Variants in ZNF486 observed in about 807,000 individuals in gnomAD.
ZNF486 encodes KRAB box only protein 2.
Under a neutral mutation model 12.8 loss-of-function variants are expected in ZNF486, and 12 were observed. The ratio of observed to expected loss-of-function variants is 0.94; its 90% confidence interval spans 0.60 to 1.52. ZNF486 has a LOEUF of 1.52. ZNF486 is among the 40% of genes most tolerant of loss of function. The pLI is 0.00. For synonymous variants in ZNF486, 231 were observed against 184.9 expected (o/e 1.25, Z -2.02); for missense variants, 738 against 545.0 (o/e 1.35, Z -3.53).
In ZNF486 at chr19:20,198,331, A is replaced by G. The variant is rs1463470829; in HGVS notation, c.*229A>G. The G allele has an allele frequency of 2.1e-5, 10 of 470,274 alleles. No homozygotes were observed. The highest frequency in any genetic ancestry group is 3.8e-5 in the Non-Finnish European group (10 of 264,570). 29.1% of individuals were successfully genotyped at this position (470,274 alleles called of 1,614,324 possible). On this transcript the variant is annotated 3_prime_UTR_variant, in exon 4 of 4. Transcript: ENST00000335117. The stretch of plus-strand genomic sequence containing the variant: ...TTGGTCAGGCTGGTCTCAATCTCCT[A>G]ACCTCAGGTGGTCTGCCTGCTTTGG...
At chr19:20,194,802 C>A (rs192560896) in intron 3 of ZNF486, among the ~76,000 whole-genome samples, 1 of 152,026 alleles carries the variant, frequency 6.6e-6, no homozygotes, top group East Asian at 1.9e-4. Context: ...TTGTAGCACC[C>A]AAAATTCTAT....
chr19:20,167,301 C>A lies in ZNF486; in HGVS notation c.-30C>A. 1 of 1,614,080 alleles carries A rather than the reference C, an allele frequency of 6.2e-7. No individual in the cohort carries two copies. Among genetic ancestry groups the A allele is most frequent in the Non-Finnish European group, 8.5e-7 (1 of 1,179,958 alleles). ...AGGCCCACCCTCTGTGGCCCTGTGT[C>A]CTGTAGGTATTGGGAGATCCACAGC... On this transcript the variant is annotated 5_prime_UTR_variant, in exon 1 of 4. Coordinates refer to ENST00000335117, the MANE Select transcript of ZNF486 (RefSeq NM_052852.4).
At chr19:20,183,554 T>C (rs1403330895) in intron 1 of ZNF486, among the ~76,000 whole-genome samples, 6 of 152,190 alleles carry the variant, frequency 3.9e-5, no homozygotes, top group Non-Finnish European at 5.9e-5. Context: ...GGGAGGAATA[T>C]TTCAACAGTG....
chr19:20,190,049 A>C (rs2089887553), intron 3 of ZNF486, among the ~76,000 whole-genome samples: 2 of 152,148 alleles, frequency 1.3e-5, no homozygotes, highest in South Asian at 2.1e-4. Context: ...TCATTTTTTG[A>C]AGATATTACT....
rs2089594621 is a variant in ZNF486, at chr19:20,167,336, G to A, written c.6G>A (p.Pro2=). Residue 2 remains proline, a synonymous_variant, in exon 1 of 4, where the codon CCG becomes CCA. Transcript: ENST00000335117. The part of the protein sequence containing the change: M[P]GPLRSLEMES... Reference sequence around the variant, plus strand: ...TTGGGAGATCCACAGCCAAGATGCCGGGACCCCTTAGAAGCCTAGAAATGG... The same window carrying A: ...TTGGGAGATCCACAGCCAAGATGCCAGGACCCCTTAGAAGCCTAGAAATGG... 1.2e-6 allele frequency: 2 copies of A among 1,613,988 alleles called. No homozygotes were observed. Among genetic ancestry groups the A allele is most frequent in the East Asian group, 4.5e-5 (2 of 44,872 alleles).
chr19:20,193,720 G>A (rs1051652491), intron 3 of ZNF486, among the ~76,000 whole-genome samples: 41 of 151,862 alleles, frequency 2.7e-4, no homozygotes, highest in African/African-American at 6.0e-4. Context: ...TATTTAAATC[G>A]TTTTCTGCAA....
rs182923113 is a variant in ZNF486 at position 20,192,459 on chromosome 19, C to T, written c.254-4505C>T. 3.4e-3 allele frequency among the ~76,000 whole-genome samples: 524 copies of T among 152,276 alleles called. 2 individuals carry two copies. Among genetic ancestry groups the T allele is most frequent in the Non-Finnish European group, 6.2e-3 (419 of 68,018 alleles). On this transcript the variant is annotated intron_variant, in intron 3 of 3. Coordinates refer to ENST00000335117, the MANE Select transcript of ZNF486 (RefSeq NM_052852.4). ...TAGCTGGGATTACAGGCACCTGTCA[C>T]CATGCCCAGCTAATTTTTTTGTATT...
Position 20,197,639 on chromosome 19 carries a change from C to T in ZNF486, c.929C>T (p.Ser310Phe). 1 of 1,613,790 alleles carries T rather than the reference C, an allele frequency of 6.2e-7. No homozygotes were observed. The highest frequency in any genetic ancestry group is 8.5e-7 in the Non-Finnish European group (1 of 1,179,844). The change falls in exon 4 of 4, where the codon TCT becomes TTT. Residue 310 changes from serine to phenylalanine, a missense_variant. Physicochemically the swap from Ser to Phe is radical, Grantham distance 155. Transcript: ENST00000335117. The part of the protein sequence containing the change: ...DKAFNHPATL[S>F]SHKKIHTGEK... ...GCTTTTAACCATCCTGCAACTCTTT[C>T]TTCACATAAGAAAATTCATACTGGA...
At chr19:20,181,991 G>T (rs1454929334) in intron 1 of ZNF486, among the ~76,000 whole-genome samples, 5 of 152,140 alleles carry the variant, frequency 3.3e-5, no homozygotes, top group African/African-American at 1.2e-4. Context: ...TAGTACTTGT[G>T]TACATGTTGT....
chr19:20,176,461 G>A (rs563201971), intron 1 of ZNF486: 105 of 208,598 alleles, frequency 5.0e-4, no homozygotes, highest in African/African-American at 1.7e-3. Context: ...TACTTTGGGA[G>A]GCCAAGGCAG....
chr19:20,182,196 T>G (rs999794530), intron 1 of ZNF486, among the ~76,000 whole-genome samples: 3 of 152,188 alleles, frequency 2.0e-5, no homozygotes, highest in Non-Finnish European at 4.4e-5. Flanking sequence ...ATGCTAATAA[T>G]GAGCCAAGGG....
chr19:20,184,639 C>T (rs1051408414), intron 2 of ZNF486, among the ~76,000 whole-genome samples, 157 bp downstream of exon 2: 7 of 152,142 alleles, frequency 4.6e-5, no homozygotes, highest in Non-Finnish European at 1.0e-4. Context: ...AAAAGAATTT[C>T]TTCAAGATGT....
intron 1 of ZNF486, among the ~76,000 whole-genome samples, chr19:20,171,952 C>T (rs782092701): frequency 3.3e-5 from 5 of 151,260 alleles, no homozygotes; most frequent in African/African-American, 9.7e-5. Context: ...CTCTTAATAA[C>T]ATGCATTTGG....
chr19:20,174,961 G>C (rs532724621), intron 1 of ZNF486: 2 of 152,264 alleles, frequency 1.3e-5, no homozygotes, highest in South Asian at 4.1e-4. Flanking sequence ...TTGCTATGTT[G>C]CAAGTTCTAA....
intron 3 of ZNF486, among the ~76,000 whole-genome samples, chr19:20,192,139 C>T (rs1219729919): frequency 2.0e-5 from 3 of 152,062 alleles, no homozygotes; most frequent in African/African-American, 7.2e-5. Flanking sequence ...ATAATTGTGA[C>T]CACCTCACTC....
chr19:20,199,168 A>G lies in ZNF486; in HGVS notation c.*1066A>G, dbSNP rs1555718545. The G allele has an allele frequency of 1.3e-5, 2 of 152,200 alleles. No individual in the cohort carries two copies. The highest frequency in any genetic ancestry group is 1.5e-5 in the Non-Finnish European group (1 of 68,042). 9.4% of individuals were successfully genotyped at this position (152,200 alleles called of 1,614,324 possible). ...ATTAATGTCCATCACATCTTACTCA[A>G]CAGAAGAAGGTTCATAAAAGAGCAA... On this transcript the variant is annotated 3_prime_UTR_variant, in exon 4 of 4. Transcript: ENST00000335117.
At chr19:20,170,652 T>C (rs1246322405) in intron 1 of ZNF486, among the ~76,000 whole-genome samples, 2 of 150,966 alleles carry the variant, frequency 1.3e-5, no homozygotes, top group East Asian at 3.9e-4. Context: ...AAATGTGCAG[T>C]GTATGTCTGG....
At chr19:20,173,136 C>T (rs911089654) in intron 1 of ZNF486, among the ~76,000 whole-genome samples, 5 of 152,106 alleles carry the variant, frequency 3.3e-5, no homozygotes, top group Non-Finnish European at 5.9e-5. Context: ...GAAGTCTTTG[C>T]CAGTTTCTGT....
chr19:20,169,519 C>G (rs1423168419), intron 1 of ZNF486, among the ~76,000 whole-genome samples: 1 of 152,124 alleles, frequency 6.6e-6, no homozygotes, highest in Admixed American at 6.5e-5. Flanking sequence ...AGAGAAGCTA[C>G]GGAGCCCTGG....
Sources: allele counts gnomAD v4.1 joint callset (sites outside exome capture counted in the v4.1 genomes callset), GRCh38; gene constraint gnomAD v4.1.1; transcripts MANE v1.5; gene names NCBI Gene and HGNC (gene_info 2026-07-23, HGNC 2026-07-21).